Variants in DNAH17 observed in about 807,000 individuals in gnomAD.
The protein encoded by DNAH17 is dynein axonemal heavy chain 17, also known as axonemal beta dynein heavy chain 17.
A neutral mutation model predicts 485.6 loss-of-function variants in DNAH17; 376 were observed. That is an observed-to-expected ratio of 0.77 (90% CI 0.71 to 0.84). The LOEUF is 0.84. Ranked by LOEUF, DNAH17 falls within the 40% of genes least tolerant of loss-of-function variation. DNAH17 has a pLI of 0.00. For missense variants in DNAH17, 6,370 were observed against 5,839.3 expected (o/e 1.09, Z -2.96); for synonymous variants, 3,031 against 2,405.9 (o/e 1.26, Z -7.60).
chr17:78,524,151 T>C (rs868302920), intron 25 of DNAH17, among the ~76,000 whole-genome samples: 8 of 152,266 alleles, frequency 5.3e-5, no homozygotes, highest in African/African-American at 1.9e-4. Flanking sequence ...ATGTGTTTAT[T>C]TTTTGAGATG....
chr17:78,493,965 G>A, intron 41 of DNAH17, 71 bp downstream of exon 41: 1 of 1,528,860 alleles, frequency 6.5e-7, no homozygotes, highest in Non-Finnish European at 8.8e-7. Flanking sequence ...AGTGATGGAG[G>A]GCCGACCCTT....
intron 75 of DNAH17, 58 bp downstream of exon 75, chr17:78,433,971 G>GGGAA: frequency 1.4e-6 from 2 of 1,379,844 alleles, no homozygotes; most frequent in Non-Finnish European, 2.0e-6. Context: ...GAAGGAGGGA[G>GGGAA]GGAAGGAGGG....
At chr17:78,477,526 A>G (rs8073247) in intron 51 of DNAH17, among the ~76,000 whole-genome samples, 5,907 of 152,054 alleles carry the variant, frequency 0.039, 369 homozygotes, top group African/African-American at 0.13. Context: ...ACAGAGGCAC[A>G]CTCCACCATG....
At position 78,559,658 on chromosome 17, in the gene DNAH17, T is replaced by A. The variant is rs117847254; in HGVS notation, c.2031+1082A>T. Among the ~76,000 whole-genome samples the A allele has an allele frequency of 7.2e-5, 11 of 152,156 alleles. No homozygotes were observed. In the East Asian group the frequency reaches 2.1e-3, roughly 29 times the overall value. Reference sequence around the variant, plus strand: ...ACGCACCTCACAGCGTGGAGAAGGGTCCTTTACAACTAGAAATCTAATCGC... The same window carrying A: ...ACGCACCTCACAGCGTGGAGAAGGGACCTTTACAACTAGAAATCTAATCGC... On this transcript the variant is annotated intron_variant, in intron 13 of 80. Transcript: ENST00000389840.
intron 63 of DNAH17, 90 bp downstream of exon 63, chr17:78,455,554 T>G: frequency 1.0e-6 from 1 of 991,246 alleles, no homozygotes. Flanking sequence ...CATGAACTCC[T>G]GGCCTCAAGT....
intron 65 of DNAH17, among the ~76,000 whole-genome samples, chr17:78,452,021 C>G (rs555634933): frequency 6.6e-6 from 1 of 151,914 alleles, no homozygotes; most frequent in African/African-American, 2.4e-5. Context: ...ATTCTGGAAG[C>G]TCCCAGGACT....
intron 5 of DNAH17, 39 bp downstream of exon 5, chr17:78,571,240 C>G (rs1439772386): frequency 6.4e-6 from 10 of 1,560,494 alleles, no homozygotes; most frequent in Non-Finnish European, 8.8e-6. Context: ...GAGGCACAAA[C>G]AGCTTCGTGC....
chr17:78,467,816 A>G (rs113313802), intron 55 of DNAH17, among the ~76,000 whole-genome samples: 21,803 of 152,138 alleles, frequency 0.14, 2,217 homozygotes, highest in African/African-American at 0.29. Context: ...TCAGGAGTTC[A>G]AGACCAGCCT....
At chr17:78,460,423 TATGTGCATCC>T (rs1183265784) in intron 58 of DNAH17, among the ~76,000 whole-genome samples, 166 bp from the exon 59 acceptor site, 9 of 152,192 alleles carry the variant, frequency 5.9e-5, no homozygotes, top group East Asian at 3.8e-4. Context: ...CATGTATGTG[TATGTGCATCC>T]ATGTGCATAT....
At chr17:78,439,251 G>C in intron 72 of DNAH17, 34 bp from the exon 73 acceptor site, 12 of 1,585,136 alleles carry the variant, frequency 7.6e-6, no homozygotes, top group Non-Finnish European at 1.0e-5. Flanking sequence ...AAAACACCAC[G>C]TAATTAAATG....
Position 78,434,013 on chromosome 17 carries a change from A to G in DNAH17, c.12225+16T>C, listed in dbSNP as rs779276954. ...GGAGGGATATGTCCAAGTACAGGGCACACACAGCCCCTCACCTTGGGGTTG... is the reference window on the plus strand; with the variant it reads ...GGAGGGATATGTCCAAGTACAGGGCGCACACAGCCCCTCACCTTGGGGTTG... On this transcript the variant is annotated intron_variant, in intron 75 of 80. Coordinates refer to ENST00000389840, the MANE Select transcript of DNAH17 (RefSeq NM_173628.4). 2.2e-5 allele frequency: 33 copies of G among 1,505,642 alleles called. No homozygotes were observed. The highest frequency in any genetic ancestry group is 2.8e-5 in the Non-Finnish European group (32 of 1,124,856). 93.3% of individuals were successfully genotyped at this position (1,505,642 alleles called of 1,614,324 possible). A position where few individuals can be genotyped will look rare whatever the true frequency, so the allele number is the denominator to read the frequency against.
intron 69 of DNAH17, 114 bp from the exon 70 acceptor site, chr17:78,445,794 C>A: frequency 1.2e-5 from 14 of 1,178,846 alleles, no homozygotes; most frequent in Non-Finnish European, 1.7e-5. Flanking sequence ...AGGGGGCGCC[C>A]TGTCCTGCCC....
chr17:78,487,386 C>A (rs2089658816), intron 44 of DNAH17, among the ~76,000 whole-genome samples: 1 of 152,244 alleles, frequency 6.6e-6, no homozygotes. Context: ...CTGCTGAAAG[C>A]ATCACTAGTG....
intron 16 of DNAH17, 85 bp from the exon 17 acceptor site, chr17:78,544,082 A>C: frequency 6.3e-7 from 1 of 1,583,192 alleles, no homozygotes; most frequent in African/African-American, 1.3e-5. Context: ...TTTTGATGTG[A>C]GTTTCGTCAC....
chr17:78,443,632 C>T (rs994784170), intron 71 of DNAH17, among the ~76,000 whole-genome samples: 1 of 152,196 alleles, frequency 6.6e-6, no homozygotes, highest in African/African-American at 2.4e-5. Flanking sequence ...CCACTGCAGC[C>T]TCCACCTCCC....
intron 20 of DNAH17, 94 bp from the exon 21 acceptor site, chr17:78,530,606 C>A: frequency 7.1e-7 from 1 of 1,414,790 alleles, no homozygotes; most frequent in Admixed American, 2.2e-5. Flanking sequence ...CTGCACTGCA[C>A]CTGCGCTGCT....
chr17:78,538,605 C>T (rs1277699511), intron 18 of DNAH17, among the ~76,000 whole-genome samples: 2 of 152,180 alleles, frequency 1.3e-5, no homozygotes, highest in Admixed American at 6.5e-5. Flanking sequence ...AGACTCAGGT[C>T]GGCTCCTGCC....
At chr17:78,553,709 C>T (rs889345252) in intron 14 of DNAH17, among the ~76,000 whole-genome samples, 8 of 152,142 alleles carry the variant, frequency 5.3e-5, no homozygotes, top group East Asian at 1.9e-4. Context: ...GATTTATGTA[C>T]GGTTACTGTT....
intron 5 of DNAH17, 105 bp from the exon 6 acceptor site, chr17:78,571,138 G>T: frequency 7.7e-7 from 1 of 1,294,760 alleles, no homozygotes. Flanking sequence ...CAGGAAATGG[G>T]GCCTTTCTCA....
Sources: allele counts gnomAD v4.1 joint callset (sites outside exome capture counted in the v4.1 genomes callset), GRCh38; gene constraint gnomAD v4.1.1; transcripts MANE v1.5; gene names NCBI Gene and HGNC (gene_info 2026-07-23, HGNC 2026-07-21).